The following CCDC88C variants were observed in gnomAD, a reference collection of about 807,000 sequenced individuals.
CCDC88C encodes the protein coiled-coil and HOOK domain protein 88C.
In CCDC88C, 131 loss-of-function variants were observed where a neutral mutation model predicts 198.8. The observed-to-expected ratio is 0.66, with a 90% CI of 0.57 to 0.76. The LOEUF (loss-of-function observed/expected upper bound fraction) is 0.76, where lower values mean the gene tolerates loss of function less well. Ranked by LOEUF, CCDC88C falls within the 30% of genes least tolerant of loss-of-function variation. The pLI, the probability that CCDC88C is intolerant of heterozygous loss-of-function variation, is 0.00. For synonymous variants in CCDC88C, 1,166 were observed against 1,114.7 expected (o/e 1.05, Z -0.92); for missense variants, 2,553 against 2,631.6 (o/e 0.97, Z 0.65).
intron 24 of CCDC88C, among the ~76,000 whole-genome samples, chr14:91,289,717 C>T (rs1366459589): frequency 2.6e-5 from 4 of 152,088 alleles, no homozygotes; most frequent in Non-Finnish European, 5.9e-5. Flanking sequence ...GCTGGCATTC[C>T]CTTGACTCCT....
chr14:91,324,843 C>T lies in CCDC88C; in HGVS notation c.1278G>A (p.Met426Ile). The T allele has an allele frequency of 6.2e-7, 1 of 1,613,738 alleles. No individual in the cohort carries two copies. Among genetic ancestry groups the T allele is most frequent in the Admixed American group, 1.7e-5 (1 of 60,026 alleles). The part of the protein sequence containing the change: ...MVLEIAQKQS[M>I]NESAHLGWEL... Reference sequence around the variant, plus strand: ...CCCAGCCAAGGTGGGCAGATTCGTTCATGCTCTGCTTCTGTGCAATCTCAA... The same window carrying T: ...CCCAGCCAAGGTGGGCAGATTCGTTTATGCTCTGCTTCTGTGCAATCTCAA... The change falls in exon 12 of 30, where the codon ATG becomes ATA. Residue 426 changes from methionine (M) to isoleucine (I), a missense_variant. Physicochemically the swap from Met to Ile is conservative, Grantham distance 10. Transcript: ENST00000389857.
At chr14:91,359,175 T>C (rs1226092572) in intron 4 of CCDC88C, among the ~76,000 whole-genome samples, 3 of 147,726 alleles carry the variant, frequency 2.0e-5, no homozygotes, top group African/African-American at 7.5e-5. Context: ...TTTTTTTTTT[T>C]TTTTTTTGAG....
intron 10 of CCDC88C, among the ~76,000 whole-genome samples, chr14:91,334,732 A>C (rs1892978506): frequency 6.6e-6 from 1 of 152,220 alleles, no homozygotes; most frequent in Non-Finnish European, 1.5e-5. Flanking sequence ...TCACCTGTGC[A>C]TCAAGGTAAC....
Position 91,330,941 on chromosome 14 carries a change from G to A in CCDC88C, c.1051-4885C>T, listed in dbSNP as rs79372505. Among the ~76,000 whole-genome samples the A allele has an allele frequency of 5.9e-3, 904 of 152,162 alleles. 3 individuals carry two copies. Among genetic ancestry groups the A allele is most frequent in the Middle Eastern group, 0.01 (3 of 294 alleles). On this transcript the variant is annotated intron_variant, in intron 10 of 29. Transcript: ENST00000389857. ...AGCAGAGGGCAAGGGGTGAATGAGGGCCCTGATACTGAGGGGTGGGCCTGC... is the reference window on the plus strand; with the variant it reads ...AGCAGAGGGCAAGGGGTGAATGAGGACCCTGATACTGAGGGGTGGGCCTGC...
chr14:91,412,956 T>C (rs1285840), intron 2 of CCDC88C, among the ~76,000 whole-genome samples: 15,276 of 152,156 alleles, frequency 0.1, 1,507 homozygotes, highest in East Asian at 0.45. Context: ...GGGTAAAAGT[T>C]ATCCTTCAAA....
In CCDC88C at chr14:91,273,051, G is replaced by A. The variant is rs759673774; in HGVS notation, c.5661C>T (p.Ser1887=). 3 of 1,556,300 alleles carry A rather than the reference G, an allele frequency of 1.9e-6. No homozygotes were observed. The highest frequency in any genetic ancestry group is 2.4e-5 in the East Asian group (1 of 42,020). Residue 1887 remains serine (S), a synonymous_variant, in exon 30 of 30, where the codon TCC becomes TCT. Transcript: ENST00000389857. The surrounding 1 kb of genome is among the most constrained non-coding windows in gnomAD (Gnocchi z 5.6). ...RSRPLDTRRF[S]LAPPKEERLA... ...GCCTCTCCTCCTTTGGGGGAGCCAG[G>A]GAGAAGCGCCTCGTGTCCAGCGGCC...
chr14:91,356,405 T>C (rs563699256), intron 4 of CCDC88C, among the ~76,000 whole-genome samples: 1 of 152,270 alleles, frequency 6.6e-6, no homozygotes, highest in South Asian at 2.1e-4. Flanking sequence ...CCCTCGGTGA[T>C]GGGTAGAGTT....
At chr14:91,376,426 G>C (rs538424645) in intron 3 of CCDC88C, among the ~76,000 whole-genome samples, 10 of 152,208 alleles carry the variant, frequency 6.6e-5, no homozygotes, top group Non-Finnish European at 1.0e-4. Context: ...GAGCCAGGGC[G>C]TTATAGTGAA....
intron 20 of CCDC88C, among the ~76,000 whole-genome samples, chr14:91,300,744 G>A (rs1596042371): frequency 6.6e-6 from 1 of 152,048 alleles, no homozygotes; most frequent in Admixed American, 6.6e-5. Flanking sequence ...TATCTTTGTC[G>A]GCTGCACTGG....
intron 11 of CCDC88C, 67 bp from the exon 12 acceptor site, chr14:91,324,990 G>T: frequency 6.3e-7 from 1 of 1,590,060 alleles, no homozygotes; most frequent in Non-Finnish European, 8.6e-7. Flanking sequence ...ACAAGCCTCA[G>T]CCCCTGTATA....
At chr14:91,297,956 T>C (rs1179465849) in intron 21 of CCDC88C, among the ~76,000 whole-genome samples, 1 of 152,174 alleles carries the variant, frequency 6.6e-6, no homozygotes. Flanking sequence ...TAATTTCAGC[T>C]CGTGAGATAA....
At chr14:91,343,507 C>G in intron 5 of CCDC88C, 92 bp downstream of exon 5, 1 of 1,557,900 alleles carries the variant, frequency 6.4e-7, no homozygotes, top group Non-Finnish European at 8.7e-7. Flanking sequence ...GGAGCATCCT[C>G]CCACCTAAGC....
intron 3 of CCDC88C, among the ~76,000 whole-genome samples, chr14:91,383,902 G>A (rs997284553): frequency 2.1e-4 from 32 of 152,240 alleles, no homozygotes; most frequent in African/African-American, 7.2e-4. Flanking sequence ...AGTAATGGGT[G>A]ATGCTGTGAC....
intron 10 of CCDC88C, among the ~76,000 whole-genome samples, chr14:91,332,745 G>C (rs551279522): frequency 1.3e-5 from 2 of 152,180 alleles, no homozygotes; most frequent in Admixed American, 1.3e-4. Context: ...CCAAGGAGTC[G>C]AAAAACTCAT....
At position 91,339,388 on chromosome 14, in the gene CCDC88C, G is replaced by A. The variant is rs748870143; in HGVS notation, c.699C>T (p.Ser233=). Residue 233 remains serine (S), a synonymous_variant, in exon 8 of 30, where the codon AGC becomes AGT. Transcript: ENST00000389857. The surrounding 1 kb of genome is among the most constrained non-coding windows in gnomAD (Gnocchi z 5.8). Reference sequence around the variant, plus strand: ...TGGTGGGGCTGGGAGTGGAGTCGGCGCTGGAGGACTTGATGGGGCTGGGTG... The same window carrying A: ...TGGTGGGGCTGGGAGTGGAGTCGGCACTGGAGGACTTGATGGGGCTGGGTG... ...QHPPSPIKSS[S]ADSTPSPTSS... The A allele has an allele frequency of 2.5e-6, 4 of 1,613,508 alleles. No individual in the cohort carries two copies. The highest frequency in any genetic ancestry group is 3.4e-6 in the Non-Finnish European group (4 of 1,179,666).
intron 3 of CCDC88C, among the ~76,000 whole-genome samples, chr14:91,375,495 G>C (rs1217325294): frequency 6.6e-6 from 1 of 152,188 alleles, no homozygotes; most frequent in Non-Finnish European, 1.5e-5. Context: ...GGGGAAGAGG[G>C]GGGTGGGCAG....
chr14:91,294,271 G>A lies in CCDC88C; in HGVS notation c.4014C>T (p.Leu1338=), dbSNP rs867896797. The A allele has an allele frequency of 1.9e-6, 3 of 1,613,874 alleles. No individual in the cohort carries two copies. Among genetic ancestry groups the A allele is most frequent in the African/African-American group, 2.7e-5 (2 of 74,944 alleles). Residue 1338 remains leucine, a synonymous_variant, in exon 23 of 30, where the codon CTC becomes CTT. Coordinates refer to ENST00000389857, the MANE Select transcript of CCDC88C (RefSeq NM_001080414.4). ...KGNLEEENHH[L]LSQIQLLSQQ... Reference sequence around the variant, plus strand: ...GGCTCAACAGCTGGATCTGGCTCAGGAGGTGATGATTTTCTTCCTCCAAGT... The same window carrying A: ...GGCTCAACAGCTGGATCTGGCTCAGAAGGTGATGATTTTCTTCCTCCAAGT...
chr14:91,410,865 C>T (rs1485070550), intron 2 of CCDC88C, among the ~76,000 whole-genome samples: 1 of 152,180 alleles, frequency 6.6e-6, no homozygotes, highest in Non-Finnish European at 1.5e-5. Flanking sequence ...GACGGGACCA[C>T]CCCAGGAGTG....
chr14:91,340,003 C>T lies in CCDC88C; in HGVS notation c.505G>A (p.Val169Met), dbSNP rs1448061729. The T allele has an allele frequency of 9.9e-6, 16 of 1,609,442 alleles. No homozygotes were observed. The highest frequency in any genetic ancestry group is 4.5e-5 in the South Asian group (4 of 89,764). ...IQEVTHNQENVFDLQWLELPD... is the reference protein window; with the variant it reads ...IQEVTHNQENMFDLQWLELPD... ...AGCTCCAGCCACTGCAGGTCAAACACGTTCTCTTGGTTGTGAGTCACCTGT... is the reference window on the plus strand; with the variant it reads ...AGCTCCAGCCACTGCAGGTCAAACATGTTCTCTTGGTTGTGAGTCACCTGT... The change falls in exon 7 of 30, where the codon GTG (valine) becomes ATG (methionine). Residue 169 changes from valine (V) to methionine (M), a missense_variant. Coordinates refer to ENST00000389857, the MANE Select transcript of CCDC88C (RefSeq NM_001080414.4).
Sources: gnomAD v4.1 joint callset for allele counts (sites outside exome capture counted in the v4.1 genomes callset) on GRCh38, gnomAD v4.1.1 for gene constraint, Gnocchi (gnomAD v3.1) non-coding constraint, MANE v1.5 for transcripts, NCBI Gene and HGNC (gene_info 2026-07-23, HGNC 2026-07-21) for gene names.